DMD: variants seen among roughly 807,000 people sequenced by gnomAD.
DMD encodes dystrophin.
Under a neutral mutation model 330.1 loss-of-function variants are expected in DMD, and 63 were observed. The observed-to-expected ratio is 0.19, with a 90% CI of 0.16 to 0.24. DMD has a LOEUF of 0.24. Among genes scored for constraint, DMD ranks in the 10% least tolerant of loss-of-function variants. DMD has a pLI of 1.00. For missense variants in DMD, 3,344 were observed against 2,684.1 expected (o/e 1.25, Z -5.43); for synonymous variants, 1,223 against 959.8 (o/e 1.27, Z -5.07).
intron 1 of DMD, among the ~76,000 whole-genome samples, chrX:33,114,614 C>T (rs1603300697): frequency 9.0e-6 from 1 of 110,798 alleles, no homozygotes. Context: ...TAATGAAAAA[C>T]GATAGAAGGA....
At chrX:32,554,853 AGAGAGAG>A (rs2050024353) in intron 16 of DMD, among the ~76,000 whole-genome samples, 5 of 63,361 alleles carry the variant, frequency 7.9e-5, no homozygotes, top group South Asian at 1.1e-3. Flanking sequence ...AGAGAGAGAG[AGAGAGAG>A]AGAGAGAGAG....
At chrX:33,149,136 T>C (rs1368316617) in intron 1 of DMD, among the ~76,000 whole-genome samples, 1 of 111,051 alleles carries the variant, frequency 9.0e-6, no homozygotes, top group Non-Finnish European at 1.9e-5. Context: ...CATTGTATTA[T>C]ATAATAAAAT....
At chrX:31,988,063 T>A (rs1428720111) in intron 44 of DMD, among the ~76,000 whole-genome samples, 2 of 112,039 alleles carry the variant, frequency 1.8e-5, no homozygotes, top group African/African-American at 6.5e-5. Context: ...GGATACTATG[T>A]TAAGTGTCTG....
intron 1 of DMD, among the ~76,000 whole-genome samples, chrX:33,250,083 C>T: frequency 2.3e-5 from 1 of 43,264 alleles, no homozygotes; most frequent in African/African-American, 1.6e-4. Flanking sequence ...GTAAACTATT[C>T]ATTATATATA....
At position 32,161,625 on chromosome X, in the gene DMD, C is replaced by G. The variant is rs151023826; in HGVS notation, c.6438+55291G>C. 4.1e-3 allele frequency among the ~76,000 whole-genome samples: 455 copies of G among 111,653 alleles called. 6 individuals are homozygous for G. Among genetic ancestry groups the G allele is most frequent in the African/African-American group, 0.014 (437 of 30,724 alleles). On this transcript the variant is annotated intron_variant, in intron 44 of 78. Coordinates refer to ENST00000357033, the MANE Select transcript of DMD (RefSeq NM_004006.3). ...CACTCCCTTCTGGGTTACTAAGACC[C>G]CTATAAAATGCAAATTTATTTACAT...
At chrX:31,833,368 A>AGG (rs2149481935) in intron 49 of DMD, among the ~76,000 whole-genome samples, 1 of 105,035 alleles carries the variant, frequency 9.5e-6, no homozygotes, top group African/African-American at 3.5e-5. Flanking sequence ...AAAGAGAGAG[A>AGG]GAGAGAGAGA....
chrX:31,999,984 C>T (rs2095614902), intron 44 of DMD, among the ~76,000 whole-genome samples: 1 of 112,141 alleles, frequency 8.9e-6, no homozygotes, highest in African/African-American at 3.2e-5. Context: ...ATTCAGAATC[C>T]AGAAATGGAG....
chrX:31,896,258 A>T (rs112719002), intron 47 of DMD, among the ~76,000 whole-genome samples: 7,767 of 111,816 alleles, frequency 0.069, 208 homozygotes, highest in African/African-American at 0.098. Flanking sequence ...ATGTAAAATA[A>T]ACTTTTCTAA....
At chrX:31,370,646 T>A (rs2059506442) in intron 60 of DMD, among the ~76,000 whole-genome samples, 1 of 112,405 alleles carries the variant, frequency 8.9e-6, no homozygotes, top group South Asian at 3.7e-4. Flanking sequence ...AACTAAACAT[T>A]CAACTACCAT....
rs149628831 is a variant in DMD at position 32,160,611 on chromosome X, G to A, written c.6438+56305C>T. On this transcript the variant is annotated intron_variant, in intron 44 of 78. Coordinates refer to ENST00000357033, the MANE Select transcript of DMD (RefSeq NM_004006.3). Reference sequence around the variant, plus strand: ...CCACACTGATGGCTATGTTTTTAATGGAGTCAACCTTTGTTGTCCAGGACA... The same window carrying A: ...CCACACTGATGGCTATGTTTTTAATAGAGTCAACCTTTGTTGTCCAGGACA... 2.4e-3 allele frequency among the ~76,000 whole-genome samples: 263 copies of A among 110,812 alleles called. 1 individual carries two copies. Among genetic ancestry groups the A allele is most frequent in the African/African-American group, 8.3e-3 (253 of 30,464 alleles).
At chrX:32,233,417 A>C (rs1358670268) in intron 43 of DMD, among the ~76,000 whole-genome samples, 2 of 110,860 alleles carry the variant, frequency 1.8e-5, no homozygotes, top group Non-Finnish European at 3.8e-5. Context: ...GATCAACATT[A>C]TGAAGGTTCA....
At chrX:32,092,607 T>C (rs1240639657) in intron 44 of DMD, among the ~76,000 whole-genome samples, 1 of 110,721 alleles carries the variant, frequency 9.0e-6, no homozygotes, top group Non-Finnish European at 1.9e-5. Context: ...TAACATTGGA[T>C]GTGGAGACTC....
chrX:33,332,136 G>C (rs1476247425), intron 1 of DMD, among the ~76,000 whole-genome samples: 2 of 111,495 alleles, frequency 1.8e-5, no homozygotes, highest in Non-Finnish European at 3.8e-5. Flanking sequence ...TGAAGACACT[G>C]TCTTACATTT....
chrX:32,655,071 T>G (rs1225567666), intron 9 of DMD, among the ~76,000 whole-genome samples: 2 of 111,641 alleles, frequency 1.8e-5, no homozygotes, highest in South Asian at 3.8e-4. Context: ...ATCTATCAAT[T>G]TTGTTGATCA....
rs183906628 is a variant in DMD, at chrX:31,946,798, T to C, written c.6615-14571A>G. ...ATGTTTACGAAAACTGAAGGGAGTT[T>C]TTTTTTTTTTCTCCACTGGGAGCTG... On this transcript the variant is annotated intron_variant, in intron 45 of 78. Coordinates refer to ENST00000357033, the MANE Select transcript of DMD (RefSeq NM_004006.3). 5.3e-3 allele frequency among the ~76,000 whole-genome samples: 583 copies of C among 110,303 alleles called. 4 individuals carry two copies. The highest frequency in any genetic ancestry group is 0.018 in the African/African-American group (546 of 30,353).
At chrX:31,243,869 T>C (rs1315946714) in intron 63 of DMD, among the ~76,000 whole-genome samples, 1 of 112,529 alleles carries the variant, frequency 8.9e-6, no homozygotes, top group Non-Finnish European at 1.9e-5. Flanking sequence ...AAGTCTTACG[T>C]GGAACAGTAG....
chrX:33,330,774 C>A (rs931288204), intron 1 of DMD, among the ~76,000 whole-genome samples: 3 of 111,736 alleles, frequency 2.7e-5, no homozygotes, highest in Non-Finnish European at 5.7e-5. Context: ...TCAAATATGT[C>A]GCTTTACCCT....
chrX:32,606,638 G>A (rs747689683), intron 12 of DMD, among the ~76,000 whole-genome samples: 3 of 108,282 alleles, frequency 2.8e-5, no homozygotes, highest in Non-Finnish European at 5.8e-5. Context: ...ATTTACAATA[G>A]CAAAGAATCA....
chrX:32,142,363 T>A (rs1264492409), intron 44 of DMD, among the ~76,000 whole-genome samples: 1 of 112,198 alleles, frequency 8.9e-6, no homozygotes, highest in Non-Finnish European at 1.9e-5. Flanking sequence ...TTCCATCCTC[T>A]GAGAAAAAGA....
Sources: gnomAD v4.1 joint callset for allele counts (sites outside exome capture counted in the v4.1 genomes callset) on GRCh38, gnomAD v4.1.1 for gene constraint, MANE v1.5 for transcripts, NCBI Gene and HGNC (gene_info 2026-07-23, HGNC 2026-07-21) for gene names.